The following USP24 variants were observed in gnomAD, a reference collection of about 807,000 sequenced individuals.
USP24 encodes ubiquitin carboxyl-terminal hydrolase 24.
In USP24, 97 loss-of-function variants were observed where a neutral mutation model predicts 361.6. The ratio of observed to expected loss-of-function variants is 0.27; its 90% CI spans 0.23 to 0.32. USP24 has a LOEUF of 0.32. Ranked by LOEUF, USP24 falls within the 10% of genes least tolerant of loss-of-function variation. The pLI, the probability that USP24 is intolerant of heterozygous loss-of-function variation, is 1.00. For synonymous variants in USP24, 1,098 were observed against 1,124.6 expected (o/e 0.98, Z 0.47); for missense variants, 2,353 against 3,165.6 (o/e 0.74, Z 6.16).
At chr1:55,152,230 A>C (rs1388090115) in intron 16 of USP24, among the ~76,000 whole-genome samples, 1 of 152,222 alleles carries the variant, frequency 6.6e-6, no homozygotes, top group Non-Finnish European at 1.5e-5. Context: ...AAAAAGAAAG[A>C]ATATTCCTTT....
At chr1:55,143,350 G>C (rs116682427) in intron 21 of USP24, among the ~76,000 whole-genome samples, 1 of 152,306 alleles carries the variant, frequency 6.6e-6, no homozygotes, top group Non-Finnish European at 1.5e-5. Context: ...TAGGTACAGA[G>C]ATATCTCTTC....
At chr1:55,091,290 T>C (rs1266005516) in intron 54 of USP24, among the ~76,000 whole-genome samples, 1 of 152,104 alleles carries the variant, frequency 6.6e-6, no homozygotes, top group African/African-American at 2.4e-5. Flanking sequence ...AGTGGCAGCA[T>C]TAGATTCTCA....
intron 56 of USP24, among the ~76,000 whole-genome samples, chr1:55,085,180 C>T (rs1216520258): frequency 1.3e-5 from 2 of 152,054 alleles, no homozygotes; most frequent in African/African-American, 2.4e-5. Flanking sequence ...AATTGAGATA[C>T]AGTCTTTGAG....
chr1:55,106,390 A>T (rs1220483292), intron 40 of USP24, 127 bp from the exon 41 acceptor site: 2 of 699,046 alleles, frequency 2.9e-6, no homozygotes, highest in African/African-American at 1.8e-5. Flanking sequence ...ATTTAGTTTA[A>T]TTTAATGTTT....
At chr1:55,131,149 C>G (rs2100644222) in intron 31 of USP24, among the ~76,000 whole-genome samples, 1 of 152,266 alleles carries the variant, frequency 6.6e-6, no homozygotes, top group East Asian at 1.9e-4. Context: ...TGGCAGGAAT[C>G]ACAAGATGCA....
rs767476206 is a variant in USP24 at position 55,171,593 on chromosome 1, T to G, written c.788A>C (p.Asn263Thr). ...CGATACAGGTGAAACAGCAAACATA[T>G]TTCCCTCTCCAAACACTTCTGCCCA... is the stretch of plus-strand genomic sequence containing the variant. ...RNWAEVFGEG[N>T]MFAVSPVSTF... The change falls in exon 5 of 68, where the codon AAT becomes ACT. Residue 263 changes from asparagine to threonine, a missense_variant. Around this residue, in one of 8 missense-constraint regions of USP24, gnomAD observed 386 missense variants for 560.5 expected, o/e 0.69. Coordinates refer to ENST00000294383, the MANE Select transcript of USP24 (RefSeq NM_015306.3). The G allele has an allele frequency of 7.4e-6, 12 of 1,611,618 alleles. No individual in the cohort carries two copies. Among genetic ancestry groups the G allele is most frequent in the Non-Finnish European group, 1.0e-5 (12 of 1,178,806 alleles).
chr1:55,142,574 T>C (rs978525670), intron 23 of USP24, among the ~76,000 whole-genome samples, 168 bp downstream of exon 23: 39 of 152,296 alleles, frequency 2.6e-4, no homozygotes, highest in African/African-American at 8.9e-4. Context: ...AGTACACTTA[T>C]ATACTGGGCA....
At chr1:55,103,380 C>T (rs1222726947) in intron 42 of USP24, among the ~76,000 whole-genome samples, 1 of 152,198 alleles carries the variant, frequency 6.6e-6, no homozygotes, top group Non-Finnish European at 1.5e-5. Flanking sequence ...TTGAAACTAT[C>T]TGCTTATGGG....
intron 58 of USP24, among the ~76,000 whole-genome samples, chr1:55,081,648 T>A (rs1645151031): frequency 6.6e-6 from 1 of 152,210 alleles, no homozygotes; most frequent in South Asian, 2.1e-4. Context: ...CTGTAGGTAC[T>A]GAGTGCTTAC....
intron 30 of USP24, among the ~76,000 whole-genome samples, chr1:55,133,607 C>T (rs1646651548): frequency 6.6e-6 from 1 of 151,000 alleles, no homozygotes. Flanking sequence ...GTTCTGATTT[C>T]CATTTATAGC....
chr1:55,077,615 A>C (rs1645056952), intron 61 of USP24, among the ~76,000 whole-genome samples: 1 of 152,222 alleles, frequency 6.6e-6, no homozygotes, highest in South Asian at 2.1e-4. Context: ...TTTGTTTTCC[A>C]GAAGATGCTG....
intron 37 of USP24, among the ~76,000 whole-genome samples, chr1:55,121,171 A>G (rs1646269544): frequency 6.6e-6 from 1 of 152,240 alleles, no homozygotes; most frequent in African/African-American, 2.4e-5. Context: ...TATGGATATC[A>G]GACACTGGTT....
chr1:55,070,391 A>G (rs1353973901), intron 67 of USP24, among the ~76,000 whole-genome samples: 1 of 152,168 alleles, frequency 6.6e-6, no homozygotes, highest in African/African-American at 2.4e-5. Context: ...GGAGACAGAG[A>G]AGGAACAGCC....
chr1:55,123,500 C>T lies in USP24; in HGVS notation c.4223G>A (p.Gly1408Glu). 6.2e-7 allele frequency: 1 copy of T among 1,605,166 alleles called. No individual in the cohort carries two copies. The highest frequency in any genetic ancestry group is 8.5e-7 in the Non-Finnish European group (1 of 1,175,962). The change falls in exon 36 of 68, where the codon GGA (glycine) becomes GAA (glutamate). Residue 1408 changes from glycine to glutamate, a missense_variant. By Grantham distance (98) the Gly-to-Glu change is moderately conservative. This residue lies in a region of USP24 where 949 missense variants were observed against 1,280.5 expected (regional missense o/e 0.74). Transcript: ENST00000294383. ...SVSTKDSLIA[G>E]EALSLLVTCL... Reference sequence around the variant, plus strand: ...CGTAACAAGAAGAGACAAAGCCTCTCCCGCAATCAGCGAGTCTTTGGTGGA... The same window carrying T: ...CGTAACAAGAAGAGACAAAGCCTCTTCCGCAATCAGCGAGTCTTTGGTGGA...
At chr1:55,114,001 T>C (rs890100613) in intron 38 of USP24, among the ~76,000 whole-genome samples, 1 of 152,158 alleles carries the variant, frequency 6.6e-6, no homozygotes, top group Non-Finnish European at 1.5e-5. Context: ...TGATTGTATA[T>C]TTAGAAAACC....
At chr1:55,180,828 C>T (rs1185467783) in intron 1 of USP24, among the ~76,000 whole-genome samples, 2 of 152,194 alleles carry the variant, frequency 1.3e-5, no homozygotes, top group East Asian at 3.8e-4. Flanking sequence ...ACCAAGCTGC[C>T]TAAGGGCATG....
chr1:55,120,536 C>T, intron 38 of USP24, 60 bp downstream of exon 38: 2 of 1,466,620 alleles, frequency 1.4e-6, no homozygotes, highest in Non-Finnish European at 9.0e-7. Context: ...GGGAGCAGCA[C>T]ACAAATTATC....
At chr1:55,206,402 TAGAC>T (rs1172823564) in intron 1 of USP24, among the ~76,000 whole-genome samples, 1 of 152,102 alleles carries the variant, frequency 6.6e-6, no homozygotes, top group Non-Finnish European at 1.5e-5. Context: ...GACTTAGTGT[TAGAC>T]AGGCAGAAGA....
Position 55,157,063 on chromosome 1 carries a change from A to G in USP24, c.1343-12T>C. Reference sequence around the variant, plus strand: ...TTGGTCTATGTTGCCTAATTGAAGAAACATGAGAGAGAAAGTCAGATATAG... The same window carrying G: ...TTGGTCTATGTTGCCTAATTGAAGAGACATGAGAGAGAAAGTCAGATATAG... On this transcript the variant is annotated splice_polypyrimidine_tract_variant and intron_variant, in intron 11 of 67. Coordinates refer to ENST00000294383, the MANE Select transcript of USP24 (RefSeq NM_015306.3). The G allele has an allele frequency of 6.2e-7, 1 of 1,602,754 alleles. No homozygotes were observed. Among genetic ancestry groups the G allele is most frequent in the Non-Finnish European group, 8.5e-7 (1 of 1,171,966 alleles).
Sources: allele counts gnomAD v4.1 joint callset (sites outside exome capture counted in the v4.1 genomes callset), GRCh38; gene constraint gnomAD v4.1.1; regional missense constraint gnomAD v4.1.1; transcripts MANE v1.5; gene names NCBI Gene and HGNC (gene_info 2026-07-23, HGNC 2026-07-21).